Variants in PIGL observed in about 807,000 individuals in gnomAD.
PIGL encodes phosphatidylinositol glycan anchor biosynthesis class L, also known as N-acetylglucosaminyl-phosphatidylinositol de-N-acetylase.
In PIGL, 22 loss-of-function variants were observed where a neutral mutation model predicts 31.1. The ratio of observed to expected loss-of-function variants is 0.71; its 90% confidence interval spans 0.51 to 1.01. The LOEUF (loss-of-function observed/expected upper bound fraction) is 1.01. Among genes scored for constraint, PIGL ranks in the 50% least tolerant of loss-of-function variants. The pLI is 0.00. For missense variants in PIGL, 302 were observed against 315.9 expected (o/e 0.96, Z 0.33); for synonymous variants, 131 against 117.4 (o/e 1.12, Z -0.75).
chr17:16,308,772 A>G (rs2093036443), intron 3 of PIGL, among the ~76,000 whole-genome samples: 1 of 150,550 alleles, frequency 6.6e-6, no homozygotes. Flanking sequence ...CACTAATTTA[A>G]AAAAGCCACT....
intron 6 of PIGL, among the ~76,000 whole-genome samples, chr17:16,322,723 C>G (rs1423242679): frequency 1.3e-5 from 2 of 152,148 alleles, no homozygotes; most frequent in Non-Finnish European, 2.9e-5. Context: ...CTTTTGTAGT[C>G]ATTCGTGGAC....
chr17:16,295,928 C>T (rs1479859220), intron 2 of PIGL, among the ~76,000 whole-genome samples: 1 of 151,226 alleles, frequency 6.6e-6, no homozygotes, highest in African/African-American at 2.4e-5. Flanking sequence ...GCAACAAGAC[C>T]GAAACACCAT....
intron 2 of PIGL, among the ~76,000 whole-genome samples, chr17:16,246,061 G>A (rs2092745290): frequency 6.6e-6 from 1 of 151,102 alleles, no homozygotes; most frequent in Non-Finnish European, 1.5e-5. Flanking sequence ...CTGACCTTGT[G>A]ATCCACCCGC....
chr17:16,313,273 A>T (rs1254574160), intron 3 of PIGL, among the ~76,000 whole-genome samples: 2 of 152,220 alleles, frequency 1.3e-5, no homozygotes, highest in African/African-American at 2.4e-5. Context: ...AGCAACAAAG[A>T]TATTCTGAAC....
At chr17:16,283,585 GT>G (rs1394630359) in intron 2 of PIGL, among the ~76,000 whole-genome samples, 2 of 152,166 alleles carry the variant, frequency 1.3e-5, no homozygotes, top group African/African-American at 4.8e-5. Context: ...CTTTGGGAGG[GT>G]GAGGTGGGAG....
chr17:16,257,076 G>A (rs572837507), intron 2 of PIGL, among the ~76,000 whole-genome samples: 1 of 152,188 alleles, frequency 6.6e-6, no homozygotes, highest in East Asian at 1.9e-4. Flanking sequence ...CTGCACTCTA[G>A]CCTGGACAAC....
At chr17:16,283,510 C>G (rs1205170541) in intron 2 of PIGL, among the ~76,000 whole-genome samples, 1 of 152,012 alleles carries the variant, frequency 6.6e-6, no homozygotes, top group African/African-American at 2.4e-5. Context: ...TCATTCAAGA[C>G]TCACTGCTCT....
chr17:16,238,354 T>A (rs1013846237), intron 2 of PIGL, among the ~76,000 whole-genome samples: 1 of 151,118 alleles, frequency 6.6e-6, no homozygotes, highest in African/African-American at 2.4e-5. Flanking sequence ...CAGAAAAAAA[T>A]AAATACCTAT....
intron 2 of PIGL, among the ~76,000 whole-genome samples, chr17:16,235,570 C>T (rs1303198909): frequency 6.6e-6 from 1 of 151,058 alleles, no homozygotes; most frequent in Non-Finnish European, 1.5e-5. Flanking sequence ...CCTCAGTCTC[C>T]CAAGTAGTTG....
chr17:16,309,633 C>T (rs1385120111), intron 3 of PIGL, among the ~76,000 whole-genome samples: 3 of 151,984 alleles, frequency 2.0e-5, no homozygotes, highest in Non-Finnish European at 4.4e-5. Flanking sequence ...TGGTGGCATG[C>T]ACCTGTAATC....
intron 2 of PIGL, among the ~76,000 whole-genome samples, chr17:16,262,491 A>T (rs2092823389): frequency 6.6e-6 from 1 of 152,168 alleles, no homozygotes; most frequent in Admixed American, 6.6e-5. Context: ...TGATGCAGCC[A>T]CCACAGAAAA....
At chr17:16,238,195 C>CAAA (rs529480311) in intron 2 of PIGL, among the ~76,000 whole-genome samples, 1 of 57,548 alleles carries the variant, frequency 1.7e-5, no homozygotes, top group Non-Finnish European at 3.7e-5. Context: ...GACTCCGTCT[C>CAAA]AAAAAAAAAA....
In PIGL at chr17:16,226,075, G is replaced by T. The variant is rs113674924; in HGVS notation, c.236-7896G>T. ...AGTCTCAGCTACTTGGGAGGCTGAG[G>T]TGGAAGAACACTTGAGCCCAGGAGT... On this transcript the variant is annotated intron_variant, in intron 1 of 6. Transcript: ENST00000225609. 6.4e-3 allele frequency among the ~76,000 whole-genome samples: 975 copies of T among 152,020 alleles called. 13 individuals are homozygous for T. Among genetic ancestry groups the T allele is most frequent in the African/African-American group, 0.023 (942 of 41,438 alleles).
chr17:16,295,325 C>A (rs1302420268), intron 2 of PIGL, among the ~76,000 whole-genome samples: 1 of 151,044 alleles, frequency 6.6e-6, no homozygotes, highest in Non-Finnish European at 1.5e-5. Flanking sequence ...ATCGCTTGAA[C>A]CCAGGTGGCG....
intron 3 of PIGL, among the ~76,000 whole-genome samples, chr17:16,310,286 A>AGTGT (rs10522327): frequency 0.014 from 2,002 of 146,360 alleles, 44 homozygotes; most frequent in East Asian, 0.058. Context: ...ATTATTAAAA[A>AGTGT]GTGTGTGTGT....
intron 2 of PIGL, among the ~76,000 whole-genome samples, chr17:16,257,366 G>A (rs1463949760): frequency 6.6e-6 from 1 of 151,972 alleles, no homozygotes; most frequent in Non-Finnish European, 1.5e-5. Flanking sequence ...GCAGTGAGTT[G>A]AGATCACACC....
intron 1 of PIGL, among the ~76,000 whole-genome samples, chr17:16,228,338 G>A (rs1193217465): frequency 6.6e-6 from 1 of 151,776 alleles, no homozygotes; most frequent in East Asian, 1.9e-4. Flanking sequence ...GATTACAGGC[G>A]TGAGCCACTG....
intron 1 of PIGL, among the ~76,000 whole-genome samples, chr17:16,227,954 A>C (rs2092659932): frequency 6.6e-6 from 1 of 151,976 alleles, no homozygotes; most frequent in Admixed American, 6.6e-5. Flanking sequence ...AATCCCAGCA[A>C]TTTCATAATT....
At chr17:16,252,156 C>T (rs2092775513) in intron 2 of PIGL, among the ~76,000 whole-genome samples, 1 of 151,388 alleles carries the variant, frequency 6.6e-6, no homozygotes, top group Non-Finnish European at 1.5e-5. Context: ...TCACTGCGAC[C>T]TCCACCTCCC....
Sources: allele counts gnomAD v4.1 joint callset (sites outside exome capture counted in the v4.1 genomes callset), GRCh38; gene constraint gnomAD v4.1.1; transcripts MANE v1.5; gene names NCBI Gene and HGNC (gene_info 2026-07-23, HGNC 2026-07-21).